The following UBALD2 variants were observed in gnomAD, a reference collection of about 807,000 sequenced individuals.
The protein encoded by UBALD2 is UBA-like domain-containing protein 2.
Under a neutral mutation model 15.9 loss-of-function variants are expected in UBALD2, and 8 were observed. The observed-to-expected ratio is 0.50, with a 90% CI of 0.29 to 0.91. The LOEUF (loss-of-function observed/expected upper bound fraction) is 0.91. UBALD2 is among the 40% of genes least tolerant of loss of function. The pLI is 0.07. For missense variants in UBALD2, 178 were observed against 234.8 expected (o/e 0.76, Z 1.58); for synonymous variants, 113 against 97.7 (o/e 1.16, Z -0.93).
intron 2 of UBALD2, 67 bp from the exon 3 acceptor site, chr17:76,270,127 G>A (rs1304403942): frequency 2.6e-6 from 4 of 1,545,572 alleles, no homozygotes; most frequent in African/African-American, 2.7e-5. Flanking sequence ...GCTGGCCTGG[G>A]TAAGCCCCAT....
In UBALD2 at chr17:76,268,492, G is replaced by T. The variant is rs568403712; in HGVS notation, c.184-1702G>T. Among the ~76,000 whole-genome samples the T allele has an allele frequency of 9.3e-4, 141 of 151,612 alleles. 1 individual carries two copies. Among genetic ancestry groups the T allele is most frequent in the Non-Finnish European group, 1.5e-3 (105 of 67,936 alleles). ...CGAGAAGTCATCCCCAGAGGGTGGG[G>T]GGGGGGCAGGGAGTAGTGGAGGGAG... On this transcript the variant is annotated intron_variant, in intron 2 of 2. Transcript: ENST00000327490.
Position 76,265,504 on chromosome 17 carries a change from C to T in UBALD2, c.-2C>T. The T allele has an allele frequency of 1.6e-6, 2 of 1,236,760 alleles. No individual in the cohort carries two copies. Among genetic ancestry groups the T allele is most frequent in the Non-Finnish European group, 2.1e-6 (2 of 965,884 alleles). 76.6% of individuals were successfully genotyped at this position (1,236,760 alleles called of 1,614,324 possible). A position where few individuals can be genotyped will look rare whatever the true frequency, so the allele number is the denominator to read the frequency against. ...ACGCCGGGCCCCGCGCCGCGCCGCG[C>T]CATGTCGGTGAACATGGACGAGCTG... is the stretch of plus-strand genomic sequence containing the variant. On this transcript the variant is annotated 5_prime_UTR_variant, in exon 1 of 3. Transcript: ENST00000327490.
chr17:76,266,769 C>A (rs367989254), intron 2 of UBALD2, among the ~76,000 whole-genome samples: 4 of 152,112 alleles, frequency 2.6e-5, no homozygotes, highest in Non-Finnish European at 5.9e-5. Context: ...CTGTACCCTA[C>A]CCCCCTAGTT....
chr17:76,268,731 GTTTTTTTT>G (rs555489468), intron 2 of UBALD2, among the ~76,000 whole-genome samples: 36 of 121,580 alleles, frequency 3.0e-4, no homozygotes, highest in African/African-American at 1.3e-3. Context: ...AGCTCCCTCT[GTTTTTTTT>G]TTTTTTTTTT....
chr17:76,268,141 G>A (rs2070558427), intron 2 of UBALD2, among the ~76,000 whole-genome samples: 1 of 152,242 alleles, frequency 6.6e-6, no homozygotes, highest in South Asian at 2.1e-4. Context: ...CTTCCCAGTT[G>A]GAAGTGGAGA....
rs2070586882 is a variant in UBALD2, at chr17:76,271,253, G to C, written c.*748G>C. The C allele has an allele frequency of 6.6e-6, 1 of 152,172 alleles. No homozygotes were observed. The allele number at this position is 152,172 out of a possible 1,614,324, so 9.4% of individuals were successfully genotyped here. A position where few individuals can be genotyped will look rare whatever the true frequency, so the allele number is the denominator to read the frequency against. On this transcript the variant is annotated 3_prime_UTR_variant, in exon 3 of 3. Coordinates refer to ENST00000327490, the MANE Select transcript of UBALD2 (RefSeq NM_182565.4). ...CCGAATCAGAATCCCATCTCACCAG[G>C]GCGAAATTTTAATTTAAAAACTTAA...
At position 76,269,417 on chromosome 17, in the gene UBALD2, A is replaced by G. The variant is rs2070568686; in HGVS notation, c.184-777A>G. 1.3e-5 allele frequency among the ~76,000 whole-genome samples: 2 copies of G among 152,150 alleles called. No homozygotes were observed. The highest frequency in any genetic ancestry group is 4.8e-5 in the African/African-American group (2 of 41,422). ...TGGCCTGAGGCTACAGACACAGGAC[A>G]TTGAAATCCCTGGTTTGTGTCCTCA... On this transcript the variant is annotated intron_variant, in intron 2 of 2. Coordinates refer to ENST00000327490, the MANE Select transcript of UBALD2 (RefSeq NM_182565.4). This position sits in a 1 kb window ranked among gnomAD's most constrained non-coding sequence, Gnocchi z 4.6.
At chr17:76,265,872 C>T (rs1272382337) in intron 1 of UBALD2, 35 bp from the exon 2 acceptor site, 3 of 1,586,794 alleles carry the variant, frequency 1.9e-6, no homozygotes, top group South Asian at 2.3e-5. Context: ...CTGACTCCGC[C>T]TGGCCCGCCG....
At chr17:76,270,133 C>T in intron 2 of UBALD2, 61 bp from the exon 3 acceptor site, 6 of 1,568,076 alleles carry the variant, frequency 3.8e-6, no homozygotes, top group Non-Finnish European at 5.2e-6. Context: ...CTGGGTAAGC[C>T]CCATCCAGTG....
At chr17:76,267,626 T>G (rs974284678) in intron 2 of UBALD2, among the ~76,000 whole-genome samples, 13 of 151,688 alleles carry the variant, frequency 8.6e-5, no homozygotes, top group African/African-American at 3.1e-4. Context: ...AGTGCTGGGA[T>G]TATAGGTGTG....
chr17:76,268,731 G>GT (rs555489468), intron 2 of UBALD2, among the ~76,000 whole-genome samples: 11,084 of 121,566 alleles, frequency 0.091, 1,621 homozygotes, highest in African/African-American at 0.29. Context: ...AGCTCCCTCT[G>GT]TTTTTTTTTT....
rs148769731 is a variant in UBALD2, at chr17:76,271,230, G to A, written c.*725G>A. Reference sequence around the variant, plus strand: ...GAGCCTGCCTTTGGGTTTAGTTCCCGAATCAGAATCCCATCTCACCAGGGC... The same window carrying A: ...GAGCCTGCCTTTGGGTTTAGTTCCCAAATCAGAATCCCATCTCACCAGGGC... On this transcript the variant is annotated 3_prime_UTR_variant, in exon 3 of 3. Coordinates refer to ENST00000327490, the MANE Select transcript of UBALD2 (RefSeq NM_182565.4). 6 of 152,336 alleles carry A rather than the reference G, an allele frequency of 3.9e-5. No individual in the cohort carries two copies. The East Asian group carries it at 7.7e-4, about 20-fold the overall frequency. 9.4% of individuals were successfully genotyped at this position (152,336 alleles called of 1,614,324 possible).
chr17:76,265,595 G>C lies in UBALD2; in HGVS notation c.90G>C (p.Gln30His). The change falls in exon 1 of 3, where the codon CAG (glutamine) becomes CAC (histidine). Residue 30 changes from glutamine to histidine, a missense_variant. Coordinates refer to ENST00000327490, the MANE Select transcript of UBALD2 (RefSeq NM_182565.4). ...AAGCAADQAK[Q>H]LLQAAHWQFE... is the part of the protein sequence containing the mutation. ...GCTGCGCGGCCGACCAGGCGAAGCA[G>C]TTGCTGCAGGCGGCCCACTGGCAGT... 1 of 1,333,886 alleles carries C rather than the reference G, an allele frequency of 7.5e-7. No homozygotes were observed. The highest frequency in any genetic ancestry group is 9.8e-7 in the Non-Finnish European group (1 of 1,019,368). 82.6% of individuals were successfully genotyped at this position (1,333,886 alleles called of 1,614,324 possible).
Position 76,269,237 on chromosome 17 carries a change from C to T in UBALD2, c.184-957C>T, listed in dbSNP as rs778231017. Among the ~76,000 whole-genome samples the T allele has an allele frequency of 1.1e-4, 16 of 152,250 alleles. No individual in the cohort carries two copies. The highest frequency in any genetic ancestry group is 2.2e-4 in the Non-Finnish European group (15 of 68,018). On this transcript the variant is annotated intron_variant, in intron 2 of 2. Coordinates refer to ENST00000327490, the MANE Select transcript of UBALD2 (RefSeq NM_182565.4). The surrounding 1 kb of genome is among the most constrained non-coding windows in gnomAD (Gnocchi z 4.6). ...TGTTGCCTCTTGCCCATGCTGCTGA[C>T]GAGGTGCTCCTGGATGGCACTCCAG...
At position 76,270,377 on chromosome 17, in the gene UBALD2, C is replaced by T. The variant is rs750388667; in HGVS notation, c.367C>T (p.Pro123Ser). 1 of 1,541,944 alleles carries T rather than the reference C, an allele frequency of 6.5e-7. No homozygotes were observed. The highest frequency in any genetic ancestry group is 8.7e-7 in the Non-Finnish European group (1 of 1,147,688). ...CTCGTCCCCGCCCAGCCACCAGGCGCCCTGGATCCCGCCCTCCTCCCCCAC... is the reference window on the plus strand; with the variant it reads ...CTCGTCCCCGCCCAGCCACCAGGCGTCCTGGATCCCGCCCTCCTCCCCCAC... ...WASSPPSHQA[P>S]WIPPSSPTTF... Residue 123 changes from proline (P) to serine (S), a missense_variant, in exon 3 of 3, where the codon CCC (proline) becomes TCC (serine). Coordinates refer to ENST00000327490, the MANE Select transcript of UBALD2 (RefSeq NM_182565.4).
rs771566006 is a variant in UBALD2, at chr17:76,265,483, C to A, written c.-23C>A. 1.8e-6 allele frequency: 2 copies of A among 1,126,714 alleles called. No homozygotes were observed. The highest frequency in any genetic ancestry group is 2.2e-6 in the Non-Finnish European group (2 of 909,452). 69.8% of individuals were successfully genotyped at this position (1,126,714 alleles called of 1,614,324 possible). ...CGCGTCTGCGTCCGGCCGGAGACGC[C>A]GGGCCCCGCGCCGCGCCGCGCCATG... On this transcript the variant is annotated 5_prime_UTR_variant, in exon 1 of 3. Transcript: ENST00000327490.
chr17:76,266,378 C>T (rs769096873), intron 2 of UBALD2, among the ~76,000 whole-genome samples: 4 of 151,710 alleles, frequency 2.6e-5, no homozygotes, highest in Non-Finnish European at 4.4e-5. Flanking sequence ...TTATGGGGAC[C>T]CCCTCGTGCT....
rs201292269 is a variant in UBALD2, at chr17:76,271,161, T to G, written c.*656T>G. On this transcript the variant is annotated 3_prime_UTR_variant, in exon 3 of 3. Transcript: ENST00000327490. ...TGCCCAGCAGGGGACTTGACTGCCC[T>G]GGGCGCCCTGCCCCTCCCGCTGCGT... The G allele has an allele frequency of 2.6e-5, 2 of 77,732 alleles. No homozygotes were observed. The highest frequency in any genetic ancestry group is 7.3e-5 in the African/African-American group (2 of 27,302). The allele number at this position is 77,732 out of a possible 1,614,324, so 4.8% of individuals were successfully genotyped here. A position where few individuals can be genotyped will look rare whatever the true frequency, so the allele number is the denominator to read the frequency against.
At chr17:76,265,746 C>T (rs868798840) in intron 1 of UBALD2, 121 bp downstream of exon 1, 5 of 1,326,608 alleles carry the variant, frequency 3.8e-6, no homozygotes, top group East Asian at 3.2e-5. Context: ...GCGGGTCTTA[C>T]GCGGGACCGG....
Sources: gnomAD v4.1 joint callset for allele counts (sites outside exome capture counted in the v4.1 genomes callset) on GRCh38, gnomAD v4.1.1 for gene constraint, Gnocchi (gnomAD v3.1) non-coding constraint, MANE v1.5 for transcripts, NCBI Gene and HGNC (gene_info 2026-07-23, HGNC 2026-07-21) for gene names.